The following PLCH1 variants were observed in gnomAD, a reference collection of about 807,000 sequenced individuals.
The protein encoded by PLCH1 is 1-phosphatidylinositol 4,5-bisphosphate phosphodiesterase eta-1.
In PLCH1, 60 loss-of-function variants were observed where a neutral mutation model predicts 126.7. That is an observed-to-expected ratio of 0.47 (90% CI 0.38 to 0.59). The LOEUF (loss-of-function observed/expected upper bound fraction) is 0.59. Among genes scored for constraint, PLCH1 ranks in the 20% least tolerant of loss-of-function variants. PLCH1 has a pLI of 0.00. For synonymous variants in PLCH1, 719 were observed against 734.9 expected (o/e 0.98, Z 0.35); for missense variants, 1,723 against 2,040.0 (o/e 0.84, Z 2.99).
intron 6 of PLCH1, among the ~76,000 whole-genome samples, chr3:155,570,636 C>T (rs1393556080): frequency 6.6e-6 from 1 of 152,070 alleles, no homozygotes; most frequent in East Asian, 1.9e-4. Context: ...TTTATCCCTG[C>T]CTTGTAGATA....
Position 155,481,145 on chromosome 3 carries a change from G to T in PLCH1, c.4881C>A (p.Ile1627=). ...CTTTCGTGTTCTTCAGGTAGCCTGC[G>T]ATGTAGGAGCCGGTGGAGTGGCGAT... ...AVNRHSTGSY[I]AGYLKNTKGG... is the part of the protein sequence containing the mutation. The change falls in exon 23 of 23, where the codon ATC becomes ATA. Residue 1627 remains isoleucine, a synonymous_variant. Coordinates refer to ENST00000460012, the MANE Select transcript of PLCH1 (RefSeq NM_014996.4). This position sits in a 1 kb window ranked among gnomAD's most constrained non-coding sequence, Gnocchi z 4.2. The T allele has an allele frequency of 8.1e-6, 13 of 1,614,224 alleles. No individual in the cohort carries two copies. Among genetic ancestry groups the T allele is most frequent in the Non-Finnish European group, 1.1e-5 (13 of 1,180,020 alleles).
intron 10 of PLCH1, among the ~76,000 whole-genome samples, chr3:155,537,208 A>C (rs1159116830): frequency 3.0e-3 from 20 of 6,592 alleles, no homozygotes; most frequent in African/African-American, 4.7e-3. Context: ...AAACCAAAAA[A>C]AAAAAAAAAA....
chr3:155,499,914 C>A (rs537394384), intron 14 of PLCH1, among the ~76,000 whole-genome samples: 1 of 152,294 alleles, frequency 6.6e-6, no homozygotes, highest in East Asian at 1.9e-4. Flanking sequence ...TCTGTTGGAG[C>A]TCAAATATAA....
chr3:155,514,942 T>C (rs1576880404), intron 11 of PLCH1, 58 bp from the exon 12 acceptor site: 2 of 1,180,812 alleles, frequency 1.7e-6, no homozygotes, highest in East Asian at 5.0e-5. Context: ...AATTAGAATA[T>C]ACCCTTTGAT....
chr3:155,663,999 T>C (rs891501322), intron 2 of PLCH1, among the ~76,000 whole-genome samples: 2 of 152,200 alleles, frequency 1.3e-5, no homozygotes, highest in South Asian at 4.1e-4. Flanking sequence ...TCTTTTACTC[T>C]GCCTTTTACT....
At chr3:155,540,698 A>G (rs539438265) in intron 10 of PLCH1, among the ~76,000 whole-genome samples, 1 of 152,266 alleles carries the variant, frequency 6.6e-6, no homozygotes, top group African/African-American at 2.4e-5. Flanking sequence ...TGCAATACCA[A>G]CTTACTCCTG....
intron 2 of PLCH1, among the ~76,000 whole-genome samples, chr3:155,665,369 T>C (rs1306094187): frequency 6.6e-6 from 1 of 152,156 alleles, no homozygotes; most frequent in African/African-American, 2.4e-5. Context: ...ATAGCCAAGA[T>C]GCAAAGGATG....
At chr3:155,557,171 C>T (rs1726930209) in intron 8 of PLCH1, among the ~76,000 whole-genome samples, 1 of 152,152 alleles carries the variant, frequency 6.6e-6, no homozygotes, top group African/African-American at 2.4e-5. Context: ...ACAAGAGAAG[C>T]GTCATCCATA....
chr3:155,663,544 T>C (rs1023238948), intron 2 of PLCH1, among the ~76,000 whole-genome samples: 1 of 152,198 alleles, frequency 6.6e-6, no homozygotes, highest in Non-Finnish European at 1.5e-5. Context: ...TTAATGTCTA[T>C]AAAAATATTA....
intron 12 of PLCH1, among the ~76,000 whole-genome samples, chr3:155,511,552 G>A (rs553528330): frequency 3.8e-5 from 5 of 133,090 alleles, no homozygotes; most frequent in East Asian, 2.1e-4. Flanking sequence ...GTCCTTTCTG[G>A]TTGTTAGTTT....
At chr3:155,568,754 C>CTGTGTGTGTGTGTGTGTGTGTGTGTG (rs3068946) in intron 6 of PLCH1, among the ~76,000 whole-genome samples, 30 of 147,282 alleles carry the variant, frequency 2.0e-4, no homozygotes, top group African/African-American at 6.6e-4. Context: ...AAATGTACCT[C>CTGTGTGTGTGTGTGTGTGTGTGTGTG]TGTGTGTGTG....
At chr3:155,732,664 G>C (rs1299428026) in intron 1 of PLCH1, among the ~76,000 whole-genome samples, 1 of 151,954 alleles carries the variant, frequency 6.6e-6, no homozygotes, top group Non-Finnish European at 1.5e-5. Flanking sequence ...AATCACCCGA[G>C]GTCAGGAGTT....
chr3:155,641,719 G>A (rs1183581217), intron 2 of PLCH1, among the ~76,000 whole-genome samples: 1 of 151,948 alleles, frequency 6.6e-6, no homozygotes, highest in Non-Finnish European at 1.5e-5. Flanking sequence ...ATGTACAACT[G>A]TTATGTATCC....
At chr3:155,456,981 AT>A (rs1320241618) in intron 21 of PLCH1, 1 of 152,526 alleles carries the variant, frequency 6.6e-6, no homozygotes, top group African/African-American at 2.4e-5. Flanking sequence ...AATCCAAAAT[AT>A]TTAGACTTTG....
At chr3:155,524,122 T>C in intron 10 of PLCH1, 118 bp from the exon 11 acceptor site, 1 of 708,498 alleles carries the variant, frequency 1.4e-6, no homozygotes, top group Non-Finnish European at 2.5e-6. Context: ...TGTATGTACA[T>C]ACAATGGAAT....
At chr3:155,514,215 A>G (rs534382220) in intron 12 of PLCH1, among the ~76,000 whole-genome samples, 183 of 152,342 alleles carry the variant, frequency 1.2e-3, no homozygotes, top group African/African-American at 4.2e-3. Context: ...TAGAAACTAA[A>G]TGGGCCTGAG....
chr3:155,707,768 A>C (rs1423245963), intron 1 of PLCH1, among the ~76,000 whole-genome samples: 2 of 152,182 alleles, frequency 1.3e-5, no homozygotes, highest in Non-Finnish European at 2.9e-5. Context: ...AATACATGTA[A>C]CATCCTCTCA....
intron 10 of PLCH1, among the ~76,000 whole-genome samples, chr3:155,539,855 C>T (rs1190821365): frequency 6.6e-6 from 1 of 152,030 alleles, no homozygotes; most frequent in Non-Finnish European, 1.5e-5. Flanking sequence ...TATCAAAATA[C>T]CATCATCATT....
intron 1 of PLCH1, chr3:155,743,246 C>T (rs1749743350): frequency 2.2e-6 from 1 of 454,266 alleles, no homozygotes; most frequent in South Asian, 1.6e-5. Flanking sequence ...AAATGATTCT[C>T]ATCTGCTGGG....
Sources: gnomAD v4.1 joint callset for allele counts (sites outside exome capture counted in the v4.1 genomes callset) on GRCh38, gnomAD v4.1.1 for gene constraint, Gnocchi (gnomAD v3.1) non-coding constraint, MANE v1.5 for transcripts, NCBI Gene and HGNC (gene_info 2026-07-23, HGNC 2026-07-21) for gene names.